The following ADIPOR2 variants were observed in gnomAD, a reference collection of about 807,000 sequenced individuals.
ADIPOR2 encodes the protein adiponectin receptor protein 2.
ADIPOR2 carries 18 observed loss-of-function variants against 40.9 expected under a neutral mutation model. That is an observed-to-expected ratio of 0.44 (90% confidence interval 0.30 to 0.65). The LOEUF (loss-of-function observed/expected upper bound fraction) is 0.65, where lower values mean the gene tolerates loss of function less well. Among genes scored for constraint, ADIPOR2 ranks in the 30% least tolerant of loss-of-function variants. ADIPOR2 has a pLI of 0.09. For missense variants in ADIPOR2, 283 were observed against 479.2 expected, an observed-to-expected ratio of 0.59 and a Z score of 3.82; for synonymous variants, 165 against 166.4, an observed-to-expected ratio of 0.99 and a Z score of 0.06.
rs116249765 is a variant in ADIPOR2 at position 1,719,260 on chromosome 12, T to C, written c.-87+28069T>C. On this transcript the variant is annotated intron_variant, in intron 1 of 7. Transcript: ENST00000357103. ...GCTTCTGGAATGTAGCAGGGCTCCA[T>C]GTTCTTCCCCATTTCTTGACAGTTT... Among the ~76,000 whole-genome samples the C allele has an allele frequency of 4.8e-3, 731 of 152,326 alleles. 6 individuals carry two copies. The highest frequency in any genetic ancestry group is 0.017 in the African/African-American group (697 of 41,566).
chr12:1,777,760 A>G, intron 3 of ADIPOR2, 94 bp from the exon 4 acceptor site: 1 of 1,204,918 alleles, frequency 8.3e-7, no homozygotes, highest in Non-Finnish European at 1.2e-6. Context: ...TTTTCCCATT[A>G]TAAAACAGTG....
chr12:1,718,935 C>G (rs893462618), intron 1 of ADIPOR2, among the ~76,000 whole-genome samples: 4 of 152,160 alleles, frequency 2.6e-5, no homozygotes, highest in African/African-American at 4.8e-5. Flanking sequence ...TGTTGCCTAC[C>G]TTTACATTTT....
chr12:1,719,896 C>T lies in ADIPOR2; in HGVS notation c.-87+28705C>T, dbSNP rs536093939. ...TTTACCATGTTGGCCAGGCTGGTCT[C>T]GACCTCCTGACCTCAAGTGATCTGT... On this transcript the variant is annotated intron_variant, in intron 1 of 7. Transcript: ENST00000357103. 4.9e-4 allele frequency among the ~76,000 whole-genome samples: 74 copies of T among 152,148 alleles called. No individual in the cohort carries two copies. In the South Asian group the frequency reaches 0.015, roughly 30 times the overall value.
At position 1,706,177 on chromosome 12, in the gene ADIPOR2, A is replaced by ACCTTAGGGAG. The variant is rs1231221232; in HGVS notation, c.-87+14987_-87+14996dup. The stretch of plus-strand genomic sequence containing the variant: ...GCTTCTCTGTTTTGTACGTTGTGTA[A>ACCTTAGGGAG]CCTTAGGGAGATTATCCAGAAAGTT... On this transcript the variant is annotated intron_variant, in intron 1 of 7. Transcript: ENST00000357103. 4.0e-5 allele frequency among the ~76,000 whole-genome samples: 5 copies of ACCTTAGGGAG among 124,012 alleles called. No homozygotes were observed. The East Asian group carries it at 7.4e-4, about 18-fold the overall frequency. The allele number at this position is 124,012 out of a possible 152,430, so 81.4% of individuals were successfully genotyped here.
intron 1 of ADIPOR2, among the ~76,000 whole-genome samples, chr12:1,728,332 C>T (rs572978252): frequency 1.3e-5 from 2 of 151,696 alleles, no homozygotes; most frequent in South Asian, 4.2e-4. Flanking sequence ...AGGCTGGTCT[C>T]GAACTCCTGA....
intron 1 of ADIPOR2, among the ~76,000 whole-genome samples, chr12:1,703,593 A>G (rs147796297): frequency 6.6e-6 from 1 of 152,056 alleles, no homozygotes; most frequent in East Asian, 1.9e-4. Context: ...AAAATTAGCC[A>G]AGTGTGGTAG....
chr12:1,786,141 C>A lies in ADIPOR2; in HGVS notation c.*69C>A. Reference sequence around the variant, plus strand: ...CGGCACTTGCGGGCCTCCCTGCTGGCTACTGATGCCAGTACCAGAGGAGCC... The same window carrying A: ...CGGCACTTGCGGGCCTCCCTGCTGGATACTGATGCCAGTACCAGAGGAGCC... On this transcript the variant is annotated 3_prime_UTR_variant, in exon 8 of 8. Transcript: ENST00000357103. 2 of 1,561,218 alleles carry A rather than the reference C, an allele frequency of 1.3e-6. No individual in the cohort carries two copies. The highest frequency in any genetic ancestry group is 8.7e-7 in the Non-Finnish European group (1 of 1,155,758).
chr12:1,706,564 ATAAACT>A (rs1210245999), intron 1 of ADIPOR2, among the ~76,000 whole-genome samples: 1 of 152,186 alleles, frequency 6.6e-6, no homozygotes, highest in Non-Finnish European at 1.5e-5. Flanking sequence ...GCTTATGTAA[ATAAACT>A]TTACTGTTTT....
At chr12:1,703,139 T>C (rs762535044) in intron 1 of ADIPOR2, among the ~76,000 whole-genome samples, 1 of 152,222 alleles carries the variant, frequency 6.6e-6, no homozygotes, top group Admixed American at 6.5e-5. Context: ...ATATATTATA[T>C]GTATCCAGAC....
intron 1 of ADIPOR2, chr12:1,697,011 T>C (rs1208207446): frequency 6.6e-6 from 1 of 152,330 alleles, no homozygotes. Context: ...GAAATGCATG[T>C]TTAGCAAACA....
chr12:1,766,824 A>G (rs957142484), intron 2 of ADIPOR2, among the ~76,000 whole-genome samples: 2 of 152,206 alleles, frequency 1.3e-5, no homozygotes, highest in African/African-American at 4.8e-5. Flanking sequence ...ACTTTTATTC[A>G]TTCAACCTTC....
chr12:1,715,905 G>A (rs768329739), intron 1 of ADIPOR2, among the ~76,000 whole-genome samples: 23 of 152,128 alleles, frequency 1.5e-4, no homozygotes, highest in Non-Finnish European at 2.5e-4. Context: ...CAATCAGCAG[G>A]ACATGGAGGG....
At chr12:1,719,818 G>T (rs1197042383) in intron 1 of ADIPOR2, among the ~76,000 whole-genome samples, 1 of 152,102 alleles carries the variant, frequency 6.6e-6, no homozygotes, top group Admixed American at 6.6e-5. Flanking sequence ...GGGATTACAG[G>T]TATGTACCAC....
At chr12:1,768,431 T>C (rs1276151757) in intron 2 of ADIPOR2, among the ~76,000 whole-genome samples, 1 of 152,240 alleles carries the variant, frequency 6.6e-6, no homozygotes, top group Non-Finnish European at 1.5e-5. Context: ...TGTTTATCTT[T>C]GAACTAGCTA....
At chr12:1,782,795 A>G (rs776297367) in intron 6 of ADIPOR2, among the ~76,000 whole-genome samples, 26 of 152,084 alleles carry the variant, frequency 1.7e-4, no homozygotes, top group Admixed American at 1.2e-3. Flanking sequence ...GATTTGCTAG[A>G]CTTTTGTACT....
intron 1 of ADIPOR2, among the ~76,000 whole-genome samples, chr12:1,726,868 T>C (rs2094709077): frequency 6.6e-6 from 1 of 152,250 alleles, no homozygotes; most frequent in African/African-American, 2.4e-5. Flanking sequence ...TTGAATTTGC[T>C]TCCCTTCTTT....
chr12:1,772,799 C>A, intron 2 of ADIPOR2, 43 bp from the exon 3 acceptor site: 1 of 1,555,554 alleles, frequency 6.4e-7, no homozygotes, highest in Non-Finnish European at 8.7e-7. Context: ...TGTCATTTGG[C>A]TCCCAGTCTC....
chr12:1,726,192 A>C (rs1187269664), intron 1 of ADIPOR2, among the ~76,000 whole-genome samples: 3 of 152,092 alleles, frequency 2.0e-5, no homozygotes, highest in Non-Finnish European at 2.9e-5. Context: ...TATAAGCAAT[A>C]GAGTTGGGAT....
chr12:1,755,375 C>A (rs1444357784), intron 2 of ADIPOR2, among the ~76,000 whole-genome samples: 2 of 152,184 alleles, frequency 1.3e-5, no homozygotes, highest in South Asian at 4.1e-4. Context: ...TGCGCCCGGC[C>A]TCTGCTGACT....
Sources: allele counts gnomAD v4.1 joint callset (sites outside exome capture counted in the v4.1 genomes callset), GRCh38; gene constraint gnomAD v4.1.1; transcripts MANE v1.5; gene names NCBI Gene and HGNC (gene_info 2026-07-23, HGNC 2026-07-21).